The following CNBD2 variants were observed in gnomAD, a reference collection of about 807,000 sequenced individuals.
CNBD2 encodes the protein cyclic nucleotide-binding domain-containing protein 2.
In CNBD2, 64 loss-of-function variants were observed where a neutral mutation model predicts 63.7. That is an observed-to-expected ratio of 1.00 (90% CI 0.82 to 1.24). CNBD2 has a LOEUF of 1.24. CNBD2 is among the 50% of genes most tolerant of loss of function. CNBD2 has a pLI of 0.00. For synonymous variants in CNBD2, 229 were observed against 255.4 expected (o/e 0.90, Z 0.99); for missense variants, 691 against 713.5 (o/e 0.97, Z 0.36).
At chr20:36,025,064 T>C (rs1258508361) in intron 11 of CNBD2, among the ~76,000 whole-genome samples, 1 of 152,256 alleles carries the variant, frequency 6.6e-6, no homozygotes, top group African/African-American at 2.4e-5. Context: ...TGGTATATTC[T>C]CTTGATAGAA....
At chr20:35,975,483 G>T (rs6058385) in intron 2 of CNBD2, among the ~76,000 whole-genome samples, 2,329 of 126,404 alleles carry the variant, frequency 0.018, 22 homozygotes, top group South Asian at 0.064. Context: ...TGTATTTTTA[G>T]TAGAGACGGG....
intron 4 of CNBD2, 94 bp downstream of exon 4, chr20:35,980,716 C>G: frequency 8.6e-7 from 1 of 1,158,102 alleles, no homozygotes; most frequent in Non-Finnish European, 1.2e-6. Flanking sequence ...GCCCACCCCT[C>G]TGCATAATGT....
At chr20:36,019,934 C>G (rs1342939807) in intron 10 of CNBD2, among the ~76,000 whole-genome samples, 1 of 152,196 alleles carries the variant, frequency 6.6e-6, no homozygotes, top group Non-Finnish European at 1.5e-5. Context: ...CTTTATGTCT[C>G]ATTACCTTGG....
At chr20:36,030,225 CAGA>C in intron 11 of CNBD2, 129 bp from the exon 12 acceptor site, 6 of 881,684 alleles carry the variant, frequency 6.8e-6, no homozygotes, top group Non-Finnish European at 1.1e-5. Context: ...GGAAAGGGTG[CAGA>C]AGGAGAGTCT....
chr20:35,960,394 G>C (rs1275088267), intron 2 of CNBD2, among the ~76,000 whole-genome samples: 3 of 152,196 alleles, frequency 2.0e-5, no homozygotes, highest in Non-Finnish European at 4.4e-5. Context: ...AGAAAATTCA[G>C]TGCAGTGTTG....
intron 10 of CNBD2, among the ~76,000 whole-genome samples, chr20:36,019,810 G>A (rs577193914): frequency 1.6e-4 from 24 of 152,206 alleles, no homozygotes; most frequent in South Asian, 4.1e-4. Flanking sequence ...TCTAGCCAGA[G>A]AAGCAACTGA....
chr20:36,024,420 G>C (rs929935876), intron 11 of CNBD2, among the ~76,000 whole-genome samples: 2 of 151,924 alleles, frequency 1.3e-5, no homozygotes, highest in Admixed American at 1.3e-4. Flanking sequence ...CCTGAGGTCA[G>C]GAGTTTGAGA....
At chr20:35,965,029 C>G (rs1438672459), upstream of CNBD2, among the ~76,000 whole-genome samples, 6 of 152,062 alleles carry the variant, frequency 3.9e-5, no homozygotes, top group Non-Finnish European at 8.8e-5. Flanking sequence ...TTTATTATAG[C>G]AAGACTTTCT....
At position 36,030,658 on chromosome 20, in the gene CNBD2, A is replaced by T. The variant is rs1007014925; in HGVS notation, c.*10A>T. On this transcript the variant is annotated 3_prime_UTR_variant, in exon 12 of 12. Transcript: ENST00000373973. ...AGAACTCTTGGCTTAGTGTAAGAGC[A>T]CAGGGGTCCTTATTTAGGACAAATA... The T allele has an allele frequency of 7.4e-6, 12 of 1,613,286 alleles. No individual in the cohort carries two copies. Among genetic ancestry groups the T allele is most frequent in the Non-Finnish European group, 1.0e-5 (12 of 1,179,542 alleles).
intron 10 of CNBD2, among the ~76,000 whole-genome samples, chr20:36,020,163 A>G (rs548704394): frequency 6.6e-6 from 1 of 152,120 alleles, no homozygotes; most frequent in Admixed American, 6.6e-5. Flanking sequence ...GCACACTGCA[A>G]GCTCCGCCTC....
rs773170259 is a variant in CNBD2, at chr20:35,987,542, T to C, written c.855+9T>C. 1.2e-6 allele frequency: 2 copies of C among 1,613,846 alleles called. No homozygotes were observed. The highest frequency in any genetic ancestry group is 1.7e-6 in the Non-Finnish European group (2 of 1,179,972). ...TCATGTTTATCAGCAAGGTGAAAAG[T>C]CTGGGGGTTGGGATGAGGGTGAACC... On this transcript the variant is annotated intron_variant, in intron 7 of 11. Transcript: ENST00000373973.
intron 7 of CNBD2, among the ~76,000 whole-genome samples, chr20:35,994,022 G>A (rs865893892): frequency 3.3e-5 from 5 of 151,778 alleles, no homozygotes; most frequent in Admixed American, 1.3e-4. Context: ...TGGGATTACA[G>A]GCATGCGCCA....
chr20:35,954,722 G>T, exon 1 of CNBD2: 1 of 927,966 alleles, frequency 1.1e-6, no homozygotes, highest in Non-Finnish European at 1.5e-6. Context: ...TTCAAGTCCC[G>T]GACCTTATCC....
intron 8 of CNBD2, among the ~76,000 whole-genome samples, chr20:35,996,534 G>T (rs1402896182): frequency 4.1e-5 from 6 of 145,278 alleles, no homozygotes; most frequent in Non-Finnish European, 7.5e-5. Flanking sequence ...TGGAGACAGA[G>T]TCTCACTCTG....
At chr20:36,000,401 G>A (rs543151058) in intron 8 of CNBD2, among the ~76,000 whole-genome samples, 34 of 152,124 alleles carry the variant, frequency 2.2e-4, no homozygotes, top group Middle Eastern at 3.4e-3. Flanking sequence ...TTTTGAGACA[G>A]AGTCTCACTC....
At chr20:35,983,538 C>T (rs2056625125) in intron 4 of CNBD2, among the ~76,000 whole-genome samples, 1 of 152,116 alleles carries the variant, frequency 6.6e-6, no homozygotes, top group Non-Finnish European at 1.5e-5. Flanking sequence ...CAAGAGAAAC[C>T]AAGGATCAGA....
chr20:35,979,611 G>A (rs77838715), intron 3 of CNBD2, among the ~76,000 whole-genome samples: 5,859 of 152,264 alleles, frequency 0.038, 233 homozygotes, highest in African/African-American at 0.1. Flanking sequence ...AAGTTTTGGA[G>A]GGGACGTTCA....
exon 1 of CNBD2, chr20:35,955,148 C>T (rs1240250354): frequency 6.0e-6 from 1 of 167,178 alleles, no homozygotes; most frequent in Non-Finnish European, 1.5e-5. Context: ...TGCATTGCCC[C>T]TTATGGTGGC....
intron 8 of CNBD2, among the ~76,000 whole-genome samples, chr20:36,003,974 G>A (rs958868312): frequency 9.2e-5 from 14 of 152,096 alleles, no homozygotes; most frequent in African/African-American, 3.4e-4. Flanking sequence ...GCTAACTCAC[G>A]TGGCTATTGG....
Sources: allele counts gnomAD v4.1 joint callset (sites outside exome capture counted in the v4.1 genomes callset), GRCh38; gene constraint gnomAD v4.1.1; transcripts MANE v1.5; gene names NCBI Gene and HGNC (gene_info 2026-07-23, HGNC 2026-07-21).